The following DGKB variants were observed in gnomAD, a reference collection of about 807,000 sequenced individuals.
DGKB encodes 90 kDa diacylglycerol kinase.
DGKB carries 67 observed loss-of-function variants against 114.3 expected under a neutral mutation model. The ratio of observed to expected loss-of-function variants is 0.59; its 90% CI spans 0.48 to 0.72. The LOEUF is 0.72. DGKB is among the 30% of genes least tolerant of loss of function. DGKB has a pLI of 0.00. For missense variants in DGKB, 907 were observed against 975.2 expected (o/e 0.93, Z 0.93); for synonymous variants, 398 against 323.1 (o/e 1.23, Z -2.49).
chr7:14,492,073 A>G (rs1273530497), intron 20 of DGKB, among the ~76,000 whole-genome samples: 2 of 152,130 alleles, frequency 1.3e-5, no homozygotes, highest in Non-Finnish European at 2.9e-5. Context: ...ATAAAAGTTT[A>G]CAGAGATAAA....
At chr7:14,908,392 G>A (rs1241278775) in intron 1 of DGKB, among the ~76,000 whole-genome samples, 2 of 152,048 alleles carry the variant, frequency 1.3e-5, no homozygotes, top group African/African-American at 4.8e-5. Context: ...CACACAGAAG[G>A]CACTGAAAAG....
At chr7:14,624,815 T>C (rs886564515) in intron 14 of DGKB, among the ~76,000 whole-genome samples, 1 of 151,994 alleles carries the variant, frequency 6.6e-6, no homozygotes, top group Non-Finnish European at 1.5e-5. Flanking sequence ...TTGGGCAACA[T>C]GGTGAGCCCC....
At chr7:14,856,924 C>T (rs1432672727) in intron 1 of DGKB, among the ~76,000 whole-genome samples, 1 of 152,062 alleles carries the variant, frequency 6.6e-6, no homozygotes, top group Non-Finnish European at 1.5e-5. Context: ...AGGGTAAGCA[C>T]CCATGAGTCA....
intron 23 of DGKB, among the ~76,000 whole-genome samples, chr7:14,331,416 A>G (rs1267895464): frequency 6.6e-6 from 1 of 151,992 alleles, no homozygotes; most frequent in African/African-American, 2.4e-5. Flanking sequence ...CGCCAAATAC[A>G]TCATCTACAG....
At chr7:14,363,061 C>A (rs1816033411) in intron 21 of DGKB, among the ~76,000 whole-genome samples, 1 of 152,088 alleles carries the variant, frequency 6.6e-6, no homozygotes, top group East Asian at 1.9e-4. Flanking sequence ...TGTTAATAAG[C>A]CCAGGATGGA....
At chr7:14,159,700 G>C (rs1030216204) in intron 25 of DGKB, among the ~76,000 whole-genome samples, 2 of 152,090 alleles carry the variant, frequency 1.3e-5, no homozygotes, top group Non-Finnish European at 2.9e-5. Flanking sequence ...ATGGAGTCTT[G>C]CTCTTGCCAC....
intron 5 of DGKB, among the ~76,000 whole-genome samples, chr7:14,721,508 T>C (rs1359501745): frequency 1.3e-5 from 2 of 152,182 alleles, no homozygotes; most frequent in Admixed American, 6.5e-5. Context: ...GTATCATGTA[T>C]TTATCACATG....
chr7:14,489,229 C>A (rs918689386), intron 20 of DGKB, among the ~76,000 whole-genome samples: 2 of 152,062 alleles, frequency 1.3e-5, no homozygotes, highest in Non-Finnish European at 2.9e-5. Context: ...AATTAGAAAA[C>A]AATGACAGGT....
At chr7:14,681,824 C>T (rs1235249742) in intron 12 of DGKB, among the ~76,000 whole-genome samples, 1 of 151,974 alleles carries the variant, frequency 6.6e-6, no homozygotes, top group Non-Finnish European at 1.5e-5. Flanking sequence ...GTGAAATTCC[C>T]AAGTGTCCCA....
At chr7:14,627,621 A>T (rs1808830341) in intron 14 of DGKB, among the ~76,000 whole-genome samples, 1 of 151,756 alleles carries the variant, frequency 6.6e-6, no homozygotes, top group South Asian at 2.1e-4. Flanking sequence ...ATACATACAC[A>T]TATATGTATG....
At position 14,313,656 on chromosome 7, in the gene DGKB, T is replaced by C. The variant is rs560183661; in HGVS notation, c.2122+24859A>G. On this transcript the variant is annotated intron_variant, in intron 23 of 25. Transcript: ENST00000402815. ...ACGCCCACGGAGTCTCGCTGATTGCTAGCACAGCAGTCTGAGATCAAACTG... is the reference window on the plus strand; with the variant it reads ...ACGCCCACGGAGTCTCGCTGATTGCCAGCACAGCAGTCTGAGATCAAACTG... Among the ~76,000 whole-genome samples the C allele has an allele frequency of 3.4e-4, 52 of 152,232 alleles. No individual in the cohort carries two copies. In the East Asian group the frequency reaches 9.1e-3, roughly 27 times the overall value.
intron 13 of DGKB, among the ~76,000 whole-genome samples, chr7:14,652,976 A>C (rs893248954): frequency 1.7e-3 from 254 of 151,912 alleles, no homozygotes; most frequent in African/African-American, 4.8e-3. Context: ...CACCAGTTAG[A>C]ATGGCAATCA....
intron 20 of DGKB, among the ~76,000 whole-genome samples, chr7:14,524,500 A>G (rs1414370646): frequency 6.6e-6 from 1 of 152,216 alleles, no homozygotes; most frequent in Non-Finnish European, 1.5e-5. Context: ...TCATGCCTGT[A>G]ATCCCAGGAC....
At chr7:14,530,819 A>AT (rs1243839743) in intron 20 of DGKB, among the ~76,000 whole-genome samples, 1 of 151,600 alleles carries the variant, frequency 6.6e-6, no homozygotes, top group Non-Finnish European at 1.5e-5. Flanking sequence ...ATTTTCTATA[A>AT]GACAAAGATG....
intron 17 of DGKB, among the ~76,000 whole-genome samples, chr7:14,597,720 T>C (rs557511315): frequency 6.6e-6 from 1 of 152,278 alleles, no homozygotes; most frequent in East Asian, 1.9e-4. Context: ...TACAGGGTTT[T>C]ATTACTTGAG....
At chr7:14,270,818 C>G (rs368314147) in intron 23 of DGKB, among the ~76,000 whole-genome samples, 1 of 151,824 alleles carries the variant, frequency 6.6e-6, no homozygotes, top group African/African-American at 2.4e-5. Flanking sequence ...TTCCTGCCTT[C>G]GAAAGCTTTC....
chr7:14,634,856 T>C (rs1156622729), intron 13 of DGKB, among the ~76,000 whole-genome samples: 1 of 151,570 alleles, frequency 6.6e-6, no homozygotes, highest in Non-Finnish European at 1.5e-5. Context: ...AGGTCCTTAA[T>C]TGTGTACACT....
intron 1 of DGKB, among the ~76,000 whole-genome samples, chr7:14,871,550 G>A (rs1195869457): frequency 6.6e-6 from 1 of 152,094 alleles, no homozygotes; most frequent in African/African-American, 2.4e-5. Context: ...CTGTTCTCTG[G>A]TATGGGGATG....
intron 2 of DGKB, among the ~76,000 whole-genome samples, chr7:14,832,500 CCATTT>C (rs1846561304): frequency 6.6e-6 from 1 of 151,956 alleles, no homozygotes; most frequent in Non-Finnish European, 1.5e-5. Flanking sequence ...TGTTTTCCAT[CCATTT>C]CATCTATTAT....
Sources: allele counts gnomAD v4.1 joint callset (sites outside exome capture counted in the v4.1 genomes callset), GRCh38; gene constraint gnomAD v4.1.1; transcripts MANE v1.5; gene names NCBI Gene and HGNC (gene_info 2026-07-23, HGNC 2026-07-21).